DACH2: variants seen among roughly 807,000 people sequenced by gnomAD.
DACH2 encodes the protein dachshund homolog 2.
DACH2 carries 17 observed loss-of-function variants against 35.8 expected under a neutral mutation model. The observed-to-expected ratio is 0.48, with a 90% CI of 0.33 to 0.71. The LOEUF (loss-of-function observed/expected upper bound fraction) is 0.71. DACH2 is among the 30% of genes least tolerant of loss of function. The pLI, the probability that DACH2 is intolerant of heterozygous loss-of-function variation, is 0.02. For missense variants in DACH2, 469 were observed against 472.7 expected, an observed-to-expected ratio of 0.99 and a Z score of 0.07; for synonymous variants, 195 against 177.3, an observed-to-expected ratio of 1.10 and a Z score of -0.79.
intron 1 of DACH2, among the ~76,000 whole-genome samples, chrX:86,168,283 A>G (rs1275822530): frequency 8.9e-6 from 1 of 111,738 alleles, no homozygotes; most frequent in East Asian, 2.8e-4. Flanking sequence ...TTATCATTAT[A>G]TAGTGACCTT....
intron 1 of DACH2, among the ~76,000 whole-genome samples, chrX:86,357,592 T>A: frequency 8.9e-6 from 1 of 112,568 alleles, no homozygotes; most frequent in Non-Finnish European, 1.9e-5. Context: ...ACATTCTTCG[T>A]GTATTTTAAT....
chrX:86,274,191 A>C (rs1475856657), intron 1 of DACH2, among the ~76,000 whole-genome samples: 1 of 110,941 alleles, frequency 9.0e-6, no homozygotes, highest in African/African-American at 3.3e-5. Context: ...AAATCACTGC[A>C]CCTTTCTAAA....
At chrX:86,445,399 C>A (rs918772990) in intron 2 of DACH2, among the ~76,000 whole-genome samples, 8 of 93,071 alleles carry the variant, frequency 8.6e-5, no homozygotes, top group African/African-American at 2.8e-4. Context: ...GGGAGATATA[C>A]CTAATGCTAG....
At chrX:86,414,065 A>C (rs2036659598) in intron 2 of DACH2, among the ~76,000 whole-genome samples, 1 of 111,082 alleles carries the variant, frequency 9.0e-6, no homozygotes, top group Non-Finnish European at 1.9e-5. Flanking sequence ...CACTGCAAAA[A>C]TTGTCAGTAA....
At chrX:86,297,045 A>AAT (rs1569337173) in intron 1 of DACH2, among the ~76,000 whole-genome samples, 1 of 23,521 alleles carries the variant, frequency 4.3e-5, no homozygotes, top group Non-Finnish European at 9.0e-5. Flanking sequence ...ATAATTGTGT[A>AAT]TATATATATA....
intron 6 of DACH2, among the ~76,000 whole-genome samples, chrX:86,732,037 C>T (rs1366005125): frequency 8.0e-5 from 9 of 111,830 alleles, no homozygotes. Flanking sequence ...TTCAAGTGCT[C>T]AATAGTCACA....
chrX:86,532,480 A>ATC, intron 3 of DACH2, among the ~76,000 whole-genome samples: 1 of 100,382 alleles, frequency 1.0e-5, no homozygotes, highest in East Asian at 3.6e-4. Context: ...TTTGAAGTAT[A>ATC]GCTCTCTCTC....
intron 2 of DACH2, among the ~76,000 whole-genome samples, chrX:86,472,242 A>G (rs1419985788): frequency 9.0e-6 from 1 of 111,631 alleles, no homozygotes; most frequent in Non-Finnish European, 1.9e-5. Flanking sequence ...TATAGAAGAA[A>G]GAGGGAGGCA....
chrX:86,493,024 G>A (rs1036172627), intron 2 of DACH2, among the ~76,000 whole-genome samples: 5 of 111,424 alleles, frequency 4.5e-5, no homozygotes, highest in Non-Finnish European at 7.5e-5. Context: ...TTGAGAAATC[G>A]CCAAAGTGCT....
At chrX:86,269,355 C>T (rs1488294375) in intron 1 of DACH2, among the ~76,000 whole-genome samples, 1 of 111,741 alleles carries the variant, frequency 8.9e-6, no homozygotes, top group African/African-American at 3.2e-5. Flanking sequence ...GATAGAACTC[C>T]TTTGTGTATA....
At chrX:86,348,327 A>G (rs1342817914) in intron 1 of DACH2, among the ~76,000 whole-genome samples, 1 of 112,094 alleles carries the variant, frequency 8.9e-6, no homozygotes, top group Non-Finnish European at 1.9e-5. Context: ...CTCTTCTTTA[A>G]AGCTCTGATT....
intron 3 of DACH2, among the ~76,000 whole-genome samples, chrX:86,515,385 G>A (rs969949358): frequency 9.1e-6 from 1 of 110,111 alleles, no homozygotes; most frequent in Non-Finnish European, 1.9e-5. Flanking sequence ...CTGAGCATTG[G>A]ACAGATGCAG....
intron 2 of DACH2, chrX:86,481,048 A>G (rs2037928107): frequency 8.9e-6 from 1 of 112,180 alleles, no homozygotes; most frequent in African/African-American, 3.2e-5. Flanking sequence ...AGGAGCACAT[A>G]TATGAAAATT....
chrX:86,422,464 T>G (rs983322580), intron 2 of DACH2, among the ~76,000 whole-genome samples: 1 of 110,968 alleles, frequency 9.0e-6, no homozygotes, highest in African/African-American at 3.3e-5. Flanking sequence ...TATAATTGGC[T>G]GTCTCTCATA....
chrX:86,511,748 A>T (rs758871914), intron 2 of DACH2, among the ~76,000 whole-genome samples: 1 of 111,735 alleles, frequency 8.9e-6, no homozygotes, highest in South Asian at 3.8e-4. Flanking sequence ...ATGTGTGACT[A>T]CAGGGGCCTT....
At chrX:86,660,662 T>C (rs1363626721) in intron 4 of DACH2, among the ~76,000 whole-genome samples, 8 of 111,592 alleles carry the variant, frequency 7.2e-5, no homozygotes, top group Admixed American at 2.9e-4. Context: ...CATGACAAAA[T>C]ATTCAATAGT....
intron 1 of DACH2, among the ~76,000 whole-genome samples, chrX:86,276,761 C>G (rs1308590631): frequency 8.9e-6 from 1 of 112,058 alleles, no homozygotes; most frequent in Non-Finnish European, 1.9e-5. Flanking sequence ...TTCCAATTTT[C>G]CCAGCACTCT....
At chrX:86,551,867 G>A (rs1164725253) in intron 3 of DACH2, among the ~76,000 whole-genome samples, 2 of 111,588 alleles carry the variant, frequency 1.8e-5, no homozygotes, top group African/African-American at 3.3e-5. Flanking sequence ...AGCTTTCAAT[G>A]TATACAAGTG....
chrX:86,563,083 G>A lies in DACH2; in HGVS notation c.640+48692G>A, dbSNP rs138775428. 1.9e-3 allele frequency among the ~76,000 whole-genome samples: 210 copies of A among 109,722 alleles called. 9 individuals are homozygous for A. The East Asian group carries it at 0.045, about 24-fold the overall frequency. On this transcript the variant is annotated intron_variant, in intron 3 of 11. Transcript: ENST00000373125. ...TCTAGGTTTCTTAAGAAAGGAGTGA[G>A]GGAAATCTAGTTTTGTCTCATGTTC...
Sources: allele counts gnomAD v4.1 joint callset (sites outside exome capture counted in the v4.1 genomes callset), GRCh38; gene constraint gnomAD v4.1.1; transcripts MANE v1.5; gene names NCBI Gene and HGNC (gene_info 2026-07-23, HGNC 2026-07-21).